The following GALNT18 variants were observed in gnomAD, a reference collection of about 807,000 sequenced individuals.
GALNT18 encodes polypeptide N-acetylgalactosaminyltransferase 18.
A neutral mutation model predicts 69.5 loss-of-function variants in GALNT18; 44 were observed. The ratio of observed to expected loss-of-function variants is 0.63; its 90% CI spans 0.50 to 0.81. The LOEUF is 0.81. Ranked by LOEUF, GALNT18 falls within the 40% of genes least tolerant of loss-of-function variation. The probability of loss-of-function intolerance (pLI) is 0.00; values close to 1 mark genes in which losing one functional copy is unlikely to be tolerated. For missense variants in GALNT18, 715 were observed against 810.0 expected (o/e 0.88, Z 1.42); for synonymous variants, 364 against 318.2 (o/e 1.14, Z -1.53).
chr11:11,421,559 C>A lies in GALNT18; in HGVS notation c.595+11062G>T, dbSNP rs751088865. Among the ~76,000 whole-genome samples, 2 of 152,080 alleles carry A rather than the reference C, an allele frequency of 1.3e-5. No individual in the cohort carries two copies. The highest frequency in any genetic ancestry group is 2.4e-5 in the African/African-American group (1 of 41,408). The stretch of plus-strand genomic sequence containing the variant: ...ATGAGGCAGGCATCAGAGCAAGATT[C>A]CATTCCATCAGAGAACAGCAAGTTG... On this transcript the variant is annotated intron_variant, in intron 3 of 10. Transcript: ENST00000227756. This position sits in a 1 kb window ranked among gnomAD's most constrained non-coding sequence, Gnocchi z 5.6.
chr11:11,501,742 C>T (rs1286985951), intron 1 of GALNT18, among the ~76,000 whole-genome samples: 1 of 152,156 alleles, frequency 6.6e-6, no homozygotes, highest in Non-Finnish European at 1.5e-5. Context: ...TCATAATTTT[C>T]AAATTCCTGG....
chr11:11,373,904 G>A (rs971996477), intron 5 of GALNT18, among the ~76,000 whole-genome samples: 1 of 152,168 alleles, frequency 6.6e-6, no homozygotes, highest in African/African-American at 2.4e-5. Context: ...AGAAATGAAG[G>A]CTCCTCAGGG....
At chr11:11,568,284 CTAAT>C (rs945590897) in intron 1 of GALNT18, among the ~76,000 whole-genome samples, 7 of 152,222 alleles carry the variant, frequency 4.6e-5, no homozygotes, top group Admixed American at 3.9e-4. Flanking sequence ...CGACAACTGA[CTAAT>C]TACCCTTCAA....
chr11:11,459,289 C>T lies in GALNT18; in HGVS notation c.236-10353G>A, dbSNP rs901250410. Among the ~76,000 whole-genome samples the T allele has an allele frequency of 5.3e-5, 8 of 152,086 alleles. No homozygotes were observed. Among genetic ancestry groups the T allele is most frequent in the Non-Finnish European group, 7.3e-5 (5 of 68,042 alleles). On this transcript the variant is annotated intron_variant, in intron 1 of 10. Transcript: ENST00000227756. The surrounding 1 kb of genome is among the most constrained non-coding windows in gnomAD (Gnocchi z 5.0). ...GGAATCCTCAGAGCTGCCAAAAGAA[C>T]GAAGTGGAATCTGACAGCAAAGAGC...
In GALNT18 at chr11:11,358,482, A is replaced by C. The variant is rs571547456; in HGVS notation, c.1092+14033T>G. Among the ~76,000 whole-genome samples the C allele has an allele frequency of 3.0e-3, 416 of 140,524 alleles. 80 individuals are homozygous for C. The highest frequency in any genetic ancestry group is 9.9e-3 in the African/African-American group (375 of 38,046). 92.2% of individuals were successfully genotyped at this position (140,524 alleles called of 152,430 possible). On this transcript the variant is annotated intron_variant, in intron 6 of 10. Coordinates refer to ENST00000227756, the MANE Select transcript of GALNT18 (RefSeq NM_198516.3). ...TTGGACATTTAATAACTCATTTATA[A>C]GAACTAGGAAAGACTAAGTCTTGAC...
chr11:11,384,365 A>C (rs1853999133), intron 3 of GALNT18, among the ~76,000 whole-genome samples: 1 of 152,182 alleles, frequency 6.6e-6, no homozygotes, highest in Non-Finnish European at 1.5e-5. Flanking sequence ...GGGAAGCCCA[A>C]GAACAAGACG....
rs538136703 is a variant in GALNT18, at chr11:11,543,521, C to T, written c.235+77838G>A. Among the ~76,000 whole-genome samples the T allele has an allele frequency of 7.4e-4, 112 of 152,294 alleles. No homozygotes were observed. The highest frequency in any genetic ancestry group is 2.6e-3 in the African/African-American group (108 of 41,564). On this transcript the variant is annotated intron_variant, in intron 1 of 10. Coordinates refer to ENST00000227756, the MANE Select transcript of GALNT18 (RefSeq NM_198516.3). The surrounding 1 kb of genome is among the most constrained non-coding windows in gnomAD (Gnocchi z 5.1). ...AAGAGCCTGGCTTCTGCACAGGACA[C>T]CATTCACCAAGTGCTGCTGGAGTCT... is the stretch of plus-strand genomic sequence containing the variant.
intron 1 of GALNT18, among the ~76,000 whole-genome samples, chr11:11,532,498 T>C (rs1343762712): frequency 1.3e-5 from 2 of 152,194 alleles, no homozygotes; most frequent in South Asian, 2.1e-4. Context: ...AACATAGTCA[T>C]GGCCACACGG....
intron 1 of GALNT18, among the ~76,000 whole-genome samples, chr11:11,491,457 ATTAAAGCCTGGGTTT>A (rs1194749707): frequency 6.6e-6 from 1 of 152,196 alleles, no homozygotes; most frequent in African/African-American, 2.4e-5. Flanking sequence ...GGCATAACCA[ATTAAAGCCTGGGTTT>A]TAAAAAGCCG....
intron 8 of GALNT18, among the ~76,000 whole-genome samples, chr11:11,328,282 C>A (rs541630579): frequency 2.0e-5 from 3 of 152,330 alleles, no homozygotes; most frequent in East Asian, 1.9e-4. Flanking sequence ...CTTTACCCCC[C>A]TCACCTTAAC....
rs1242313343 is a variant in GALNT18 at position 11,497,658 on chromosome 11, T to C, written c.236-48722A>G. The stretch of plus-strand genomic sequence containing the variant: ...CCAGTAACAACTCTCTTATCTAACA[T>C]GGTCAGGAGCAGCTAATAGGGTAAG... On this transcript the variant is annotated intron_variant, in intron 1 of 10. Transcript: ENST00000227756. The surrounding 1 kb of genome is among the most constrained non-coding windows in gnomAD (Gnocchi z 4.2). Among the ~76,000 whole-genome samples the C allele has an allele frequency of 6.6e-6, 1 of 152,008 alleles. No individual in the cohort carries two copies. The highest frequency in any genetic ancestry group is 1.9e-4 in the East Asian group (1 of 5,182).
chr11:11,319,551 T>G (rs1360095300), intron 9 of GALNT18, among the ~76,000 whole-genome samples: 3 of 152,148 alleles, frequency 2.0e-5, no homozygotes, highest in African/African-American at 4.8e-5. Flanking sequence ...AGCCGTTACC[T>G]TGATTTGGAC....
chr11:11,554,512 C>T (rs1042958280), intron 1 of GALNT18, among the ~76,000 whole-genome samples: 6 of 151,948 alleles, frequency 3.9e-5, no homozygotes, highest in Admixed American at 3.9e-4. Flanking sequence ...GGGAGCTAAA[C>T]TTCTGAGATG....
chr11:11,422,771 GTTC>G (rs1463501861), intron 3 of GALNT18, among the ~76,000 whole-genome samples: 1 of 151,964 alleles, frequency 6.6e-6, no homozygotes, highest in Non-Finnish European at 1.5e-5. Context: ...GATAATGGGG[GTTC>G]TGCAGGGGGT....
chr11:11,501,590 A>G (rs1233624702), intron 1 of GALNT18, among the ~76,000 whole-genome samples: 1 of 152,184 alleles, frequency 6.6e-6, no homozygotes, highest in Non-Finnish European at 1.5e-5. Flanking sequence ...AGATGGCCCA[A>G]GTAAAGCTAC....
chr11:11,325,897 A>G (rs544936883), intron 9 of GALNT18, among the ~76,000 whole-genome samples: 2 of 152,228 alleles, frequency 1.3e-5, no homozygotes, highest in African/African-American at 4.8e-5. Context: ...GCAATGGACA[A>G]TCCCTGGGAA....
chr11:11,332,936 C>A lies in GALNT18; in HGVS notation c.1279-105G>T, dbSNP rs1300106559. The A allele has an allele frequency of 8.6e-6, 11 of 1,279,698 alleles. 1 individual carries two copies. Among genetic ancestry groups the A allele is most frequent in the Non-Finnish European group, 1.2e-5 (11 of 902,682 alleles). The allele number at this position is 1,279,698 out of a possible 1,614,324, so 79.3% of individuals were successfully genotyped here. Reference sequence around the variant, plus strand: ...GTGCCCCCAACAAGATTCCTAGAGACTGGGGAAGGGACCATGTGGCACGTT... The same window carrying A: ...GTGCCCCCAACAAGATTCCTAGAGAATGGGGAAGGGACCATGTGGCACGTT... On this transcript the variant is annotated intron_variant, in intron 7 of 10. Transcript: ENST00000227756. The surrounding 1 kb of genome is among the most constrained non-coding windows in gnomAD (Gnocchi z 4.3).
chr11:11,277,688 C>T (rs1297462319), intron 10 of GALNT18, among the ~76,000 whole-genome samples: 2 of 152,156 alleles, frequency 1.3e-5, no homozygotes, highest in Non-Finnish European at 2.9e-5. Flanking sequence ...CCCAGAGATT[C>T]TGGTATGTTG....
chr11:11,495,899 T>C (rs746374861), intron 1 of GALNT18, among the ~76,000 whole-genome samples: 7 of 152,228 alleles, frequency 4.6e-5, no homozygotes, highest in Non-Finnish European at 8.8e-5. Flanking sequence ...CTCAAGGCAG[T>C]CCTCTGCCAC....
Sources: gnomAD v4.1 joint callset for allele counts (sites outside exome capture counted in the v4.1 genomes callset) on GRCh38, gnomAD v4.1.1 for gene constraint, Gnocchi (gnomAD v3.1) non-coding constraint, MANE v1.5 for transcripts, NCBI Gene and HGNC (gene_info 2026-07-23, HGNC 2026-07-21) for gene names.